PCDHA3: variants seen among roughly 807,000 people sequenced by gnomAD.
PCDHA3 encodes protocadherin alpha 3, also known as protocadherin alpha-3.
PCDHA3 carries 41 observed loss-of-function variants against 62.2 expected under a neutral mutation model. That is an observed-to-expected ratio of 0.66 (90% CI 0.51 to 0.86). The LOEUF is 0.86. Ranked by LOEUF, PCDHA3 falls within the 40% of genes least tolerant of loss-of-function variation. The probability of loss-of-function intolerance (pLI) is 0.00; values close to 1 mark genes in which losing one functional copy is unlikely to be tolerated. For synonymous variants in PCDHA3, 640 were observed against 555.4 expected (o/e 1.15, Z -2.14); for missense variants, 1,304 against 1,241.2 (o/e 1.05, Z -0.76).
chr5:140,819,401 A>G (rs2150104074), intron 1 of PCDHA3, among the ~76,000 whole-genome samples: 3 of 152,296 alleles, frequency 2.0e-5, no homozygotes, highest in South Asian at 4.1e-4. Context: ...AGTGAATTAA[A>G]TGGAGACACT....
chr5:140,834,479 C>T (rs2150219285), intron 1 of PCDHA3: 1 of 1,614,178 alleles, frequency 6.2e-7, no homozygotes, highest in African/African-American at 1.3e-5. Context: ...GCCAGCTCCA[C>T]TACTCGGTCC....
chr5:140,930,044 A>G (rs1416118719), intron 1 of PCDHA3: 1 of 152,194 alleles, frequency 6.6e-6, no homozygotes, highest in African/African-American at 2.4e-5. Context: ...ACTGCTTTGG[A>G]GTTTTTGCTT....
intron 1 of PCDHA3, chr5:140,824,022 C>T (rs2150131609): frequency 6.2e-7 from 1 of 1,614,118 alleles, no homozygotes; most frequent in East Asian, 2.2e-5. Flanking sequence ...GCTGGTCGTA[C>T]TCGCAGCAGA....
In PCDHA3 at chr5:141,011,722, G is replaced by T. The variant is rs1229946779; in HGVS notation, c.*1785G>T. On this transcript the variant is annotated 3_prime_UTR_variant, in exon 4 of 4. Transcript: ENST00000522353. Reference sequence around the variant, plus strand: ...TGAATACTGACAATATTCCATGAGGGTGTGCAAGCACAAATTTTACCAATC... The same window carrying T: ...TGAATACTGACAATATTCCATGAGGTTGTGCAAGCACAAATTTTACCAATC... The T allele has an allele frequency of 6.5e-6, 1 of 153,690 alleles. No homozygotes were observed. The highest frequency in any genetic ancestry group is 1.5e-5 in the Non-Finnish European group (1 of 68,018). 9.5% of individuals were successfully genotyped at this position (153,690 alleles called of 1,614,324 possible).
At position 140,802,457 on chromosome 5, in the gene PCDHA3, C is replaced by T. The variant is rs1762919716; in HGVS notation, c.1260C>T (p.Ala420=). 6.2e-7 allele frequency: 1 copy of T among 1,614,108 alleles called. No homozygotes were observed. The highest frequency in any genetic ancestry group is 1.1e-5 in the South Asian group (1 of 91,090). ...CTCTGGACCGCGAGAGCGTGTCGGC[C>T]TATGAGCTGGTGGTGACTGCTCGGG... The part of the protein sequence containing the change: ...DSPLDRESVS[A]YELVVTARDG... Residue 420 remains alanine, a synonymous_variant, in exon 1 of 4, where the codon GCC becomes GCT. Transcript: ENST00000522353.
chr5:140,843,259 T>G lies in PCDHA3; in HGVS notation c.2394+39668T>G, dbSNP rs143217470. Reference sequence around the variant, plus strand: ...ACGAAGCGGACTCTCCGCGCCACCGTCTGCTGGTCCTGGTGAAGGATCATG... The same window carrying G: ...ACGAAGCGGACTCTCCGCGCCACCGGCTGCTGGTCCTGGTGAAGGATCATG... On this transcript the variant is annotated intron_variant, in intron 1 of 3. Transcript: ENST00000522353. 98 of 1,596,004 alleles carry G rather than the reference T, an allele frequency of 6.1e-5. 8 individuals are homozygous for G. In the African/African-American group the frequency reaches 1.1e-3, roughly 18 times the overall value.
intron 1 of PCDHA3, chr5:140,929,053 T>C (rs781847457): frequency 6.2e-7 from 1 of 1,614,182 alleles, no homozygotes; most frequent in Non-Finnish European, 8.5e-7. Flanking sequence ...CTGCTGTCGC[T>C]CTACAGAGGA....
intron 1 of PCDHA3, chr5:140,865,929 A>G (rs2049057617): frequency 6.6e-6 from 1 of 152,198 alleles, no homozygotes; most frequent in South Asian, 2.1e-4. Flanking sequence ...TGCTTAGAAG[A>G]AACTTCATGA....
intron 1 of PCDHA3, chr5:140,824,719 C>T (rs1279844716): frequency 2.0e-5 from 3 of 150,334 alleles, no homozygotes; most frequent in African/African-American, 4.9e-5. Context: ...CTCAGCCTCC[C>T]GAAGTACTAA....
intron 1 of PCDHA3, chr5:140,877,758 G>A (rs782480713): frequency 1.2e-6 from 2 of 1,614,190 alleles, no homozygotes; most frequent in Non-Finnish European, 1.7e-6. Flanking sequence ...GCTCTGCAGA[G>A]AGCCCGCCCA....
chr5:140,965,260 G>A (rs1188138728), intron 1 of PCDHA3, among the ~76,000 whole-genome samples: 1 of 152,202 alleles, frequency 6.6e-6, no homozygotes, highest in Non-Finnish European at 1.5e-5. Context: ...GAACTGAGCA[G>A]CAGAGGCAAT....
intron 1 of PCDHA3, chr5:140,856,834 G>T (rs2044233104): frequency 6.3e-7 from 1 of 1,591,808 alleles, no homozygotes; most frequent in Non-Finnish European, 8.6e-7. Context: ...TAGTAATACG[G>T]CTCAACGCTT....
chr5:140,959,876 G>A (rs1335764869), intron 1 of PCDHA3, among the ~76,000 whole-genome samples: 1 of 152,134 alleles, frequency 6.6e-6, no homozygotes. Context: ...ATCTGTCAAG[G>A]AATACACGAG....
At chr5:140,823,847 C>T (rs2150129709) in intron 1 of PCDHA3, 852,665 of 1,613,520 alleles carry the variant, frequency 0.53, 225,878 homozygotes, top group Middle Eastern at 0.58. Flanking sequence ...CCCGAGGCTG[C>T]CCTGGTGGAT....
intron 1 of PCDHA3, among the ~76,000 whole-genome samples, chr5:140,819,185 T>G (rs1365698503): frequency 1.3e-5 from 2 of 152,188 alleles, no homozygotes; most frequent in South Asian, 4.1e-4. Context: ...AAATGACATA[T>G]GTGCATAAAT....
chr5:140,936,593 C>T (rs1475903432), intron 1 of PCDHA3, among the ~76,000 whole-genome samples: 1 of 152,168 alleles, frequency 6.6e-6, no homozygotes, highest in African/African-American at 2.4e-5. Context: ...GTTAGATTGC[C>T]TACTTTCCTC....
intron 3 of PCDHA3, among the ~76,000 whole-genome samples, chr5:140,983,886 T>C (rs1280409622): frequency 1.3e-5 from 2 of 152,206 alleles, no homozygotes; most frequent in Non-Finnish European, 2.9e-5. Flanking sequence ...CTGGCAACTT[T>C]AAGGGCATTC....
At chr5:140,848,454 G>A in intron 1 of PCDHA3, 1 of 1,522,350 alleles carries the variant, frequency 6.6e-7, no homozygotes, top group South Asian at 1.2e-5. Context: ...CTTCTAATTT[G>A]GAGGCAATTT....
rs782776341 is a variant in PCDHA3 at position 140,884,056 on chromosome 5, G to A, written c.2394+80465G>A. On this transcript the variant is annotated intron_variant, in intron 1 of 3. Coordinates refer to ENST00000522353, the MANE Select transcript of PCDHA3 (RefSeq NM_018906.3). ...GCCACGTGGTGGCGAAGGTGCGCGC[G>A]GTGGACGCCGATTCGGGCTACAATG... 3.1e-6 allele frequency: 5 copies of A among 1,613,476 alleles called. No homozygotes were observed. In the South Asian group the frequency reaches 4.4e-5, roughly 14 times the overall value.
Sources: gnomAD v4.1 joint callset for allele counts (sites outside exome capture counted in the v4.1 genomes callset) on GRCh38, gnomAD v4.1.1 for gene constraint, MANE v1.5 for transcripts, NCBI Gene and HGNC (gene_info 2026-07-23, HGNC 2026-07-21) for gene names.